FREM2: variants seen among roughly 807,000 people sequenced by gnomAD.
FREM2 encodes the protein FRAS1 related extracellular matrix 2.
Under a neutral mutation model 219.9 loss-of-function variants are expected in FREM2, and 119 were observed. That is an observed-to-expected ratio of 0.54 (90% CI 0.47 to 0.63). The LOEUF is 0.63. Ranked by LOEUF, FREM2 falls within the 30% of genes least tolerant of loss-of-function variation. FREM2 has a pLI of 0.00. For synonymous variants in FREM2, 1,562 were observed against 1,522.8 expected (o/e 1.03, Z -0.60); for missense variants, 4,030 against 3,993.6 (o/e 1.01, Z -0.25).
chr13:38,806,674 A>G lies in FREM2; in HGVS notation c.6019+21866A>G, dbSNP rs1327780340. Among the ~76,000 whole-genome samples the G allele has an allele frequency of 2.0e-5, 3 of 151,878 alleles. 1 individual carries two copies. The highest frequency in any genetic ancestry group is 4.0e-4 in the East Asian group (2 of 5,016). ...TTTGCTGGTGTAGGTTCTTGTCTCA[A>G]TGTTGATGGCTGCTTATGGATCAGG... is the stretch of plus-strand genomic sequence containing the variant. On this transcript the variant is annotated intron_variant, in intron 6 of 23. Coordinates refer to ENST00000280481, the MANE Select transcript of FREM2 (RefSeq NM_207361.6).
At chr13:38,775,202 C>A (rs1031889269) in intron 4 of FREM2, among the ~76,000 whole-genome samples, 2 of 152,142 alleles carry the variant, frequency 1.3e-5, no homozygotes, top group African/African-American at 4.8e-5. Flanking sequence ...CTCAAACATT[C>A]ATTCTTATTT....
intron 2 of FREM2, among the ~76,000 whole-genome samples, chr13:38,709,328 G>A (rs762198792): frequency 3.9e-5 from 6 of 151,972 alleles, no homozygotes; most frequent in Admixed American, 1.3e-4. Context: ...ACTCATATTT[G>A]GATCTCAAAG....
intron 5 of FREM2, 49 bp downstream of exon 5, chr13:38,783,244 A>G (rs752861434): frequency 1.6e-5 from 26 of 1,603,570 alleles, no homozygotes; most frequent in Non-Finnish European, 1.9e-5. Context: ...AGATATAAAT[A>G]AGCCTTTTTA....
intron 5 of FREM2, among the ~76,000 whole-genome samples, chr13:38,783,716 A>G (rs1471149945): frequency 2.0e-5 from 3 of 152,238 alleles, no homozygotes; most frequent in East Asian, 1.9e-4. Flanking sequence ...ATCAAAAGTT[A>G]TATATGCTGA....
intron 8 of FREM2, among the ~76,000 whole-genome samples, chr13:38,849,511 C>T (rs769658702): frequency 6.6e-6 from 1 of 152,164 alleles, no homozygotes; most frequent in Non-Finnish European, 1.5e-5. Context: ...CTCTCTGACA[C>T]GTCATCACAA....
At chr13:38,857,744 G>A (rs575836092) in intron 12 of FREM2, 131 bp from the exon 13 acceptor site, 4 of 767,066 alleles carry the variant, frequency 5.2e-6, no homozygotes, top group East Asian at 5.2e-5. Flanking sequence ...CTCTCCAGGG[G>A]CTCTGAGTAT....
At chr13:38,721,155 TTAAAA>T (rs1450738876) in intron 2 of FREM2, among the ~76,000 whole-genome samples, 1 of 152,046 alleles carries the variant, frequency 6.6e-6, no homozygotes, top group Non-Finnish European at 1.5e-5. Flanking sequence ...ACCCTGGAAC[TTAAAA>T]TAAAATATAA....
At chr13:38,758,982 G>A (rs1873126103) in intron 2 of FREM2, among the ~76,000 whole-genome samples, 1 of 152,182 alleles carries the variant, frequency 6.6e-6, no homozygotes, top group Non-Finnish European at 1.5e-5. Flanking sequence ...GCAGAGAGCT[G>A]TGATAGCATC....
Position 38,883,002 on chromosome 13 carries a change from A to G in FREM2, c.*2215A>G, listed in dbSNP as rs1878600075. On this transcript the variant is annotated 3_prime_UTR_variant, in exon 24 of 24. Transcript: ENST00000280481. ...GTTTTATACCAAATTTCACTCTACA[A>G]TGCATATTCTAATGAAGCTACTTTA... 6.6e-6 allele frequency: 1 copy of G among 152,158 alleles called. No individual in the cohort carries two copies. The allele number at this position is 152,158 out of a possible 1,614,324, so 9.4% of individuals were successfully genotyped here. A position where few individuals can be genotyped will look rare whatever the true frequency, so the allele number is the denominator to read the frequency against.
At chr13:38,807,227 A>ATATATATG (rs1555268816) in intron 6 of FREM2, among the ~76,000 whole-genome samples, 1 of 125,676 alleles carries the variant, frequency 8.0e-6, no homozygotes, top group African/African-American at 2.8e-5. Flanking sequence ...ATATATATAT[A>ATATATATG]TGTATGGTTT....
At position 38,705,637 on chromosome 13, in the gene FREM2, C is replaced by T. The variant is rs532723340; in HGVS notation, c.5263+7850C>T. ...TATAAAGTTGGGATAATAACAGTAC[C>T]TAGCTAATAGGGTTCTTTTTAAGAT... On this transcript the variant is annotated intron_variant, in intron 2 of 23. Coordinates refer to ENST00000280481, the MANE Select transcript of FREM2 (RefSeq NM_207361.6). Among the ~76,000 whole-genome samples the T allele has an allele frequency of 2.6e-5, 4 of 152,200 alleles. No individual in the cohort carries two copies. In the South Asian group the frequency reaches 8.3e-4, roughly 32 times the overall value.
At chr13:38,802,176 T>TC (rs1371492529) in intron 6 of FREM2, among the ~76,000 whole-genome samples, 1 of 152,046 alleles carries the variant, frequency 6.6e-6, no homozygotes, top group Non-Finnish European at 1.5e-5. Flanking sequence ...GTGGGGTTGT[T>TC]CCCCCGCCAC....
At chr13:38,804,107 TG>T (rs971252779) in intron 6 of FREM2, among the ~76,000 whole-genome samples, 1 of 152,074 alleles carries the variant, frequency 6.6e-6, no homozygotes, top group African/African-American at 2.4e-5. Flanking sequence ...ATTCTGTATT[TG>T]GTATACTTGA....
chr13:38,782,942 A>C, intron 4 of FREM2, 128 bp from the exon 5 acceptor site: 1 of 1,126,026 alleles, frequency 8.9e-7, no homozygotes, highest in Non-Finnish European at 1.3e-6. Context: ...TTTTCCTCCC[A>C]CTATGTTATT....
rs1170570605 is a variant in FREM2, at chr13:38,813,464, TTCTCTCTCTCTCTCTC to T, written c.6019+28695_6019+28710del. On this transcript the variant is annotated intron_variant, in intron 6 of 23. Transcript: ENST00000280481. Reference sequence around the variant, plus strand: ...GCAGCTTTATTATATGTTATTTGTTTTCTCTCTCTCTCTCTCTCTCTCTCTCTCTCTCTCTCTCTCT... The same window carrying T: ...GCAGCTTTATTATATGTTATTTGTTTTCTCTCTCTCTCTCTCTCTCTCTCT... 2.8e-4 allele frequency among the ~76,000 whole-genome samples: 17 copies of T among 60,452 alleles called. 1 individual carries two copies. The highest frequency in any genetic ancestry group is 1.1e-3 in the African/African-American group (16 of 14,006). The allele number at this position is 60,452 out of a possible 152,430, so 39.7% of individuals were successfully genotyped here.
chr13:38,826,154 G>A (rs2137882891), intron 6 of FREM2, among the ~76,000 whole-genome samples: 2 of 152,178 alleles, frequency 1.3e-5, no homozygotes, highest in Middle Eastern at 3.4e-3. Flanking sequence ...GATAAATGTT[G>A]AATGAGAGAA....
intron 4 of FREM2, among the ~76,000 whole-genome samples, chr13:38,781,976 T>C (rs1874135566): frequency 6.6e-6 from 1 of 152,096 alleles, no homozygotes; most frequent in African/African-American, 2.4e-5. Flanking sequence ...CCTGGCCCAC[T>C]CTGCTTTTGC....
At chr13:38,840,172 G>A (rs554904347) in intron 6 of FREM2, among the ~76,000 whole-genome samples, 4 of 152,158 alleles carry the variant, frequency 2.6e-5, no homozygotes, top group African/African-American at 7.2e-5. Context: ...AGTTCCTCAC[G>A]GCACAGTCCC....
intron 2 of FREM2, among the ~76,000 whole-genome samples, chr13:38,756,834 C>A (rs1449598526): frequency 6.6e-6 from 1 of 151,670 alleles, no homozygotes; most frequent in Non-Finnish European, 1.5e-5. Flanking sequence ...AACCACCATG[C>A]CTGGCTGGTT....
Sources: allele counts gnomAD v4.1 joint callset (sites outside exome capture counted in the v4.1 genomes callset), GRCh38; gene constraint gnomAD v4.1.1; transcripts MANE v1.5; gene names NCBI Gene and HGNC (gene_info 2026-07-23, HGNC 2026-07-21).